The following CDH12 variants were observed in gnomAD, a reference collection of about 807,000 sequenced individuals.
The protein encoded by CDH12 is cadherin 12.
A neutral mutation model predicts 74.1 loss-of-function variants in CDH12; 41 were observed. The observed-to-expected ratio is 0.55, with a 90% CI of 0.43 to 0.72. The LOEUF is 0.72. CDH12 is among the 30% of genes least tolerant of loss of function. The pLI, the probability that CDH12 is intolerant of heterozygous loss-of-function variation, is 0.00. For missense variants in CDH12, 945 were observed against 977.2 expected (o/e 0.97, Z 0.44); for synonymous variants, 399 against 355.0 (o/e 1.12, Z -1.39).
chr5:22,514,371 T>C (rs950432132), intron 1 of CDH12, among the ~76,000 whole-genome samples: 13 of 152,266 alleles, frequency 8.5e-5, no homozygotes, highest in African/African-American at 2.6e-4. Context: ...TGTTCTAAAA[T>C]GTGCAGCAAA....
Position 22,372,146 on chromosome 5 carries a change from T to C in CDH12, c.-333+33111A>G, listed in dbSNP as rs138757604. ...TGAAGAAAATGCTAACCAGTTAAGATTTCTAGAGGAGGGAAATCCAACAAG... is the reference window on the plus strand; with the variant it reads ...TGAAGAAAATGCTAACCAGTTAAGACTTCTAGAGGAGGGAAATCCAACAAG... On this transcript the variant is annotated intron_variant, in intron 3 of 14. Coordinates refer to ENST00000382254, the MANE Select transcript of CDH12 (RefSeq NM_004061.5). 4.6e-5 allele frequency among the ~76,000 whole-genome samples: 7 copies of C among 152,200 alleles called. No individual in the cohort carries two copies. The East Asian group carries it at 1.4e-3, about 30-fold the overall frequency.
At chr5:22,270,601 A>AAT in intron 3 of CDH12, among the ~76,000 whole-genome samples, 1 of 127,158 alleles carries the variant, frequency 7.9e-6, no homozygotes, top group East Asian at 2.7e-4. Context: ...TCTCAAAAAA[A>AAT]AAAATATATA....
intron 1 of CDH12, among the ~76,000 whole-genome samples, chr5:22,784,347 A>C (rs1210540386): frequency 6.6e-6 from 1 of 152,100 alleles, no homozygotes; most frequent in African/African-American, 2.4e-5. Flanking sequence ...CCACAACTTG[A>C]ATTTTTAGTT....
At chr5:22,841,369 A>G (rs756069036) in intron 1 of CDH12, among the ~76,000 whole-genome samples, 2 of 152,226 alleles carry the variant, frequency 1.3e-5, no homozygotes, top group African/African-American at 2.4e-5. Context: ...GTTGACCGAC[A>G]TCGTGAAATC....
chr5:22,761,731 T>A (rs12697607), intron 1 of CDH12, among the ~76,000 whole-genome samples: 1 of 151,964 alleles, frequency 6.6e-6, no homozygotes, highest in Non-Finnish European at 1.5e-5. Flanking sequence ...CCTTAAATGG[T>A]GATTTAAAAT....
chr5:22,568,260 T>C (rs1739383614), intron 1 of CDH12, among the ~76,000 whole-genome samples: 1 of 152,186 alleles, frequency 6.6e-6, no homozygotes, highest in Non-Finnish European at 1.5e-5. Context: ...ACTGTATTTA[T>C]CTAAGACCCA....
intron 4 of CDH12, among the ~76,000 whole-genome samples, chr5:22,117,008 C>A (rs1745158767): frequency 6.7e-6 from 1 of 149,336 alleles, no homozygotes; most frequent in African/African-American, 2.5e-5. Flanking sequence ...AATGAATGAA[C>A]AGAGAAGCAA....
At chr5:22,131,754 A>G (rs1746191096) in intron 4 of CDH12, among the ~76,000 whole-genome samples, 1 of 152,158 alleles carries the variant, frequency 6.6e-6, no homozygotes, top group South Asian at 2.1e-4. Flanking sequence ...AAGGAAGGAT[A>G]CATTCATCTA....
intron 6 of CDH12, among the ~76,000 whole-genome samples, chr5:21,966,119 A>G (rs983612192): frequency 1.5e-5 from 2 of 132,142 alleles, no homozygotes; most frequent in Non-Finnish European, 3.3e-5. Flanking sequence ...TTTACCCTTC[A>G]TTTTACCTTG....
At chr5:22,466,367 C>A (rs921603534) in intron 2 of CDH12, among the ~76,000 whole-genome samples, 1 of 152,138 alleles carries the variant, frequency 6.6e-6, no homozygotes, top group African/African-American at 2.4e-5. Flanking sequence ...GGCCAGTGAT[C>A]GCCCCAAAGC....
At chr5:22,635,886 C>T (rs268988) in intron 1 of CDH12, among the ~76,000 whole-genome samples, 1 of 151,598 alleles carries the variant, frequency 6.6e-6, no homozygotes, top group Non-Finnish European at 1.5e-5. Flanking sequence ...CTGCTCCAGC[C>T]TGGGCCACAG....
At chr5:22,499,538 C>T (rs940691376) in intron 2 of CDH12, among the ~76,000 whole-genome samples, 1 of 152,094 alleles carries the variant, frequency 6.6e-6, no homozygotes, top group Admixed American at 6.6e-5. Context: ...AGTTGATATA[C>T]TTTGAAATCA....
rs114113892 is a variant in CDH12, at chr5:22,537,742, G to T, written c.-522-32378C>A. Among the ~76,000 whole-genome samples the T allele has an allele frequency of 8.1e-3, 1,239 of 152,256 alleles. 18 individuals carry two copies. Among genetic ancestry groups the T allele is most frequent in the African/African-American group, 0.028 (1,156 of 41,544 alleles). Reference sequence around the variant, plus strand: ...ATAAATACTCTTAGAGAGCGCTCCTGACCGAAATTGTCCAGAAGCCCCTCT... The same window carrying T: ...ATAAATACTCTTAGAGAGCGCTCCTTACCGAAATTGTCCAGAAGCCCCTCT... On this transcript the variant is annotated intron_variant, in intron 1 of 14. Transcript: ENST00000382254.
intron 3 of CDH12, among the ~76,000 whole-genome samples, chr5:22,380,961 T>C (rs892344101): frequency 9.2e-5 from 14 of 152,100 alleles, no homozygotes; most frequent in South Asian, 2.1e-4. Context: ...GTAGATGAGA[T>C]TCAAGAAATA....
At position 22,256,265 on chromosome 5, in the gene CDH12, T is replaced by C. The variant is rs1753313731; in HGVS notation, c.-332-43622A>G. On this transcript the variant is annotated intron_variant, in intron 3 of 14. Transcript: ENST00000382254. ...CATGTGCCACATAACAGTGTTCTGG[T>C]CAATGACAGCATGTACAATGGTGGT... is the stretch of plus-strand genomic sequence containing the variant. Among the ~76,000 whole-genome samples, 4 of 152,130 alleles carry C rather than the reference T, an allele frequency of 2.6e-5. No homozygotes were observed. The South Asian group carries it at 8.3e-4, about 31-fold the overall frequency.
chr5:22,131,730 G>A (rs957876366), intron 4 of CDH12, among the ~76,000 whole-genome samples: 1 of 152,094 alleles, frequency 6.6e-6, no homozygotes, highest in African/African-American at 2.4e-5. Flanking sequence ...AGTATTCTCA[G>A]ATTATCCAGA....
chr5:22,113,718 G>A (rs1046131832), intron 4 of CDH12, among the ~76,000 whole-genome samples: 3 of 152,078 alleles, frequency 2.0e-5, no homozygotes, highest in Non-Finnish European at 2.9e-5. Context: ...AATCTCAAAT[G>A]TTTTACAGAG....
chr5:22,789,728 A>T (rs1475980813), intron 1 of CDH12, among the ~76,000 whole-genome samples: 1 of 151,966 alleles, frequency 6.6e-6, no homozygotes, highest in African/African-American at 2.4e-5. Context: ...TTTAAAACTG[A>T]AAGGAGATTT....
At chr5:22,517,265 A>T (rs892156634) in intron 1 of CDH12, among the ~76,000 whole-genome samples, 1 of 152,172 alleles carries the variant, frequency 6.6e-6, no homozygotes, top group East Asian at 1.9e-4. Flanking sequence ...AAAATTCTAC[A>T]TAATGTTTAA....
Sources: gnomAD v4.1 joint callset for allele counts (sites outside exome capture counted in the v4.1 genomes callset) on GRCh38, gnomAD v4.1.1 for gene constraint, MANE v1.5 for transcripts, NCBI Gene and HGNC (gene_info 2026-07-23, HGNC 2026-07-21) for gene names.